The following HIRA variants were observed in gnomAD, a reference collection of about 807,000 sequenced individuals.
The protein encoded by HIRA is protein HIRA.
A neutral mutation model predicts 126.6 loss-of-function variants in HIRA; 13 were observed. The observed-to-expected ratio is 0.10, with a 90% CI of 0.07 to 0.16. The LOEUF is 0.16. Among genes scored for constraint, HIRA ranks in the 10% least tolerant of loss-of-function variants. HIRA has a pLI of 1.00. For synonymous variants in HIRA, 511 were observed against 520.0 expected, an observed-to-expected ratio of 0.98 and a Z score of 0.24; for missense variants, 834 against 1,314.4, an observed-to-expected ratio of 0.63 and a Z score of 5.65.
chr22:19,370,307 G>C (rs1601823960), intron 15 of HIRA, among the ~76,000 whole-genome samples: 1 of 152,114 alleles, frequency 6.6e-6, no homozygotes, highest in Non-Finnish European at 1.5e-5. Flanking sequence ...GCAGTGGAGT[G>C]ATTTCTGCTT....
chr22:19,332,309 G>GT (rs2146500353), intron 24 of HIRA, among the ~76,000 whole-genome samples: 1 of 152,320 alleles, frequency 6.6e-6, no homozygotes, highest in Non-Finnish European at 1.5e-5. Flanking sequence ...AAGAATAAGT[G>GT]TAACTATTAG....
At chr22:19,405,637 A>G in intron 5 of HIRA, 149 bp downstream of exon 5, 1 of 862,168 alleles carries the variant, frequency 1.2e-6, no homozygotes, top group East Asian at 3.3e-5. Context: ...CTTAAGGGAC[A>G]GGCAGGGTGT....
At position 19,355,788 on chromosome 22, in the gene HIRA, A is replaced by G; in HGVS notation, c.2533T>C (p.Tyr845His). The G allele has an allele frequency of 6.2e-7, 1 of 1,613,826 alleles. No homozygotes were observed. The highest frequency in any genetic ancestry group is 8.5e-7 in the Non-Finnish European group (1 of 1,179,698). Residue 845 changes from tyrosine to histidine, a missense_variant, in exon 21 of 25, where the codon TAC becomes CAC. By Grantham distance (83) the Tyr-to-His change is moderately conservative. This residue lies in a region of HIRA where 468 missense variants were observed against 574.2 expected (regional missense o/e 0.82). Coordinates refer to ENST00000263208, the MANE Select transcript of HIRA (RefSeq NM_003325.4). ...GTGGAAAGTGACGGATTAAAGCAGT[A>G]CGCCTTCCCATCGGACAGGTTCATT... ...PVMNLSDGKAYCFNPSLSTWN... is the reference protein window; with the variant it reads ...PVMNLSDGKAHCFNPSLSTWN...
chr22:19,429,550 T>C (rs1385033497), intron 1 of HIRA, among the ~76,000 whole-genome samples: 2 of 152,110 alleles, frequency 1.3e-5, no homozygotes, highest in African/African-American at 4.8e-5. Flanking sequence ...GTGGTTAGAG[T>C]AGATATTATC....
At chr22:19,428,974 G>A (rs1200143319) in intron 1 of HIRA, among the ~76,000 whole-genome samples, 1 of 152,054 alleles carries the variant, frequency 6.6e-6, no homozygotes, top group Non-Finnish European at 1.5e-5. Flanking sequence ...TTAAAGGCCT[G>A]CTCGGTAGTG....
At chr22:19,339,891 C>T (rs1176687647) in intron 24 of HIRA, among the ~76,000 whole-genome samples, 2 of 151,858 alleles carry the variant, frequency 1.3e-5, no homozygotes, top group African/African-American at 2.4e-5. Context: ...AAATTGCCAA[C>T]AAAAAAACAG....
intron 1 of HIRA, among the ~76,000 whole-genome samples, chr22:19,411,170 C>T (rs556683989): frequency 6.6e-6 from 1 of 152,356 alleles, no homozygotes; most frequent in Admixed American, 6.5e-5. Context: ...GCAGGACCAG[C>T]GCTGGCTGCA....
chr22:19,395,359 G>A (rs1055161071), intron 7 of HIRA, among the ~76,000 whole-genome samples: 4 of 152,074 alleles, frequency 2.6e-5, no homozygotes, highest in African/African-American at 9.7e-5. Context: ...GGAAGGATGG[G>A]CCCACCCAGT....
intron 15 of HIRA, among the ~76,000 whole-genome samples, chr22:19,365,494 A>T (rs2088904239): frequency 6.6e-6 from 1 of 152,232 alleles, no homozygotes; most frequent in African/African-American, 2.4e-5. Flanking sequence ...AATTATTCTA[A>T]ATCTATAAAT....
chr22:19,361,279 C>T lies in HIRA; in HGVS notation c.2043G>A (p.Leu681=), dbSNP rs199618667. 60 of 1,614,094 alleles carry T rather than the reference C, an allele frequency of 3.7e-5. No homozygotes were observed. The highest frequency in any genetic ancestry group is 4.8e-5 in the Non-Finnish European group (57 of 1,180,052). ...TCTGGGGGCTTGGAATTGGCAGCTT[C>T]AGTGCAAGTGCTGGTGCAGACAGAC... ...AMCLSAPALA[L]KLPIPSPQRA... Residue 681 remains leucine (L), a synonymous_variant, in exon 17 of 25, where the codon CTG becomes CTA. Coordinates refer to ENST00000263208, the MANE Select transcript of HIRA (RefSeq NM_003325.4).
chr22:19,411,177 T>C (rs1415713554), intron 1 of HIRA, among the ~76,000 whole-genome samples: 1 of 152,276 alleles, frequency 6.6e-6, no homozygotes, highest in African/African-American at 2.4e-5. Flanking sequence ...CAGCGCTGGC[T>C]GCAACCAAGG....
intron 1 of HIRA, among the ~76,000 whole-genome samples, chr22:19,422,703 A>C (rs78601578): frequency 2.0e-5 from 3 of 151,926 alleles, no homozygotes; most frequent in African/African-American, 7.3e-5. Context: ...CCTCATCTCC[A>C]TGAGGCCTGC....
chr22:19,390,960 GT>G (rs113434072), intron 9 of HIRA, among the ~76,000 whole-genome samples: 20,146 of 145,310 alleles, frequency 0.14, 2,629 homozygotes, highest in African/African-American at 0.34. Flanking sequence ...CTATTTTTTT[GT>G]TTTTTTTTTT....
At chr22:19,343,567 A>T (rs2088654629) in intron 24 of HIRA, among the ~76,000 whole-genome samples, 1 of 152,082 alleles carries the variant, frequency 6.6e-6, no homozygotes, top group Admixed American at 6.6e-5. Context: ...TGTCTCCAAA[A>T]ATCTACAACA....
Position 19,399,213 on chromosome 22 carries a change from T to C in HIRA, c.398-1126A>G, listed in dbSNP as rs938617847. 8 of 936,198 alleles carry C rather than the reference T, an allele frequency of 8.5e-6. No homozygotes were observed. The East Asian group carries it at 4.7e-4, about 55-fold the overall frequency. 58.0% of individuals were successfully genotyped at this position (936,198 alleles called of 1,614,324 possible). ...CAGTGCTAGGTATACAGAAGAATGATTGGTGAGTTGAAGAAACAAACATAG... is the reference window on the plus strand; with the variant it reads ...CAGTGCTAGGTATACAGAAGAATGACTGGTGAGTTGAAGAAACAAACATAG... On this transcript the variant is annotated intron_variant, in intron 5 of 24. Transcript: ENST00000263208.
At chr22:19,410,324 C>T (rs1449916348) in intron 2 of HIRA, among the ~76,000 whole-genome samples, 2 of 152,196 alleles carry the variant, frequency 1.3e-5, no homozygotes, top group Admixed American at 6.5e-5. Flanking sequence ...TACACGATTG[C>T]TTTAGAAGCT....
At chr22:19,348,702 G>T (rs527936948) in intron 24 of HIRA, among the ~76,000 whole-genome samples, 1 of 151,932 alleles carries the variant, frequency 6.6e-6, no homozygotes, top group African/African-American at 2.4e-5. Flanking sequence ...TCACTAAGTT[G>T]GCCAGGCTGG....
intron 12 of HIRA, among the ~76,000 whole-genome samples, chr22:19,383,911 A>G (rs543816648): frequency 5.8e-4 from 88 of 152,258 alleles, no homozygotes; most frequent in Non-Finnish European, 9.7e-4. Flanking sequence ...TTCATCTTCT[A>G]TAACTTAAAC....
At chr22:19,359,214 G>C (rs949241851) in intron 18 of HIRA, 122 bp downstream of exon 18, 17 of 1,046,526 alleles carry the variant, frequency 1.6e-5, no homozygotes, top group Non-Finnish European at 2.2e-5. Flanking sequence ...GAAGCCTGGT[G>C]TGAGTCTCTG....
Sources: allele counts gnomAD v4.1 joint callset (sites outside exome capture counted in the v4.1 genomes callset), GRCh38; gene constraint gnomAD v4.1.1; regional missense constraint gnomAD v4.1.1; transcripts MANE v1.5; gene names NCBI Gene and HGNC (gene_info 2026-07-23, HGNC 2026-07-21).